PCM1: variants seen among roughly 807,000 people sequenced by gnomAD.
The protein encoded by PCM1 is pericentriolar material 1.
In PCM1, 157 loss-of-function variants were observed where a neutral mutation model predicts 241.9. That is an observed-to-expected ratio of 0.65 (90% CI 0.57 to 0.74). The LOEUF is 0.74. Among genes scored for constraint, PCM1 ranks in the 30% least tolerant of loss-of-function variants. The pLI, the probability that PCM1 is intolerant of heterozygous loss-of-function variation, is 0.00. For missense variants in PCM1, 3,478 were observed against 2,360.1 expected, an observed-to-expected ratio of 1.47 and a Z score of -9.81; for synonymous variants, 1,085 against 784.9, an observed-to-expected ratio of 1.38 and a Z score of -6.39.
intron 2 of PCM1, among the ~76,000 whole-genome samples, chr8:17,931,570 T>C (rs2059040656): frequency 1.3e-5 from 2 of 152,320 alleles, no homozygotes; most frequent in South Asian, 2.1e-4. Context: ...ACATTTATCT[T>C]ACTTTACTAT....
chr8:17,923,633 C>T (rs937570624), intron 1 of PCM1, among the ~76,000 whole-genome samples: 1 of 151,984 alleles, frequency 6.6e-6, no homozygotes, highest in African/African-American at 2.4e-5. Flanking sequence ...GTGGAACTCT[C>T]GGTGTCCAGA....
Position 17,966,980 on chromosome 8 carries a change from G to A in PCM1, c.3222G>A (p.Arg1074=), listed in dbSNP as rs1240656076. Residue 1074 remains arginine, a splice_region_variant and synonymous_variant, in exon 21 of 39, where the codon AGG becomes AGA. Transcript: ENST00000325083. ...AGATTACTGACTTAAATCTTTGTAGGTTGAAACAAATGCTAAATGAACTTA... is the reference window on the plus strand; with the variant it reads ...AGATTACTGACTTAAATCTTTGTAGATTGAAACAAATGCTAAATGAACTTA... ...QLTWQQNNVQ[R]LKQMLNELMR... is the part of the protein sequence containing the mutation. 3.1e-6 allele frequency: 5 copies of A among 1,598,524 alleles called. No homozygotes were observed. Among genetic ancestry groups the A allele is most frequent in the Non-Finnish European group, 4.3e-6 (5 of 1,172,340 alleles).
intron 36 of PCM1, among the ~76,000 whole-genome samples, chr8:18,016,476 TAAA>T (rs2093218084): frequency 6.6e-6 from 1 of 151,654 alleles, no homozygotes; most frequent in Admixed American, 6.6e-5. Context: ...TTAATCTAGA[TAAA>T]ATTGTTTATG....
chr8:17,929,632 C>T (rs1485083252), intron 2 of PCM1, among the ~76,000 whole-genome samples: 2 of 152,106 alleles, frequency 1.3e-5, no homozygotes, highest in Admixed American at 1.3e-4. Flanking sequence ...TATCCTTTAT[C>T]TTTTAACTCT....
chr8:17,952,685 C>T (rs2066531347), intron 8 of PCM1, among the ~76,000 whole-genome samples: 1 of 152,088 alleles, frequency 6.6e-6, no homozygotes, highest in Non-Finnish European at 1.5e-5. Context: ...TGTGCAGATA[C>T]TACACCATTT....
chr8:18,022,027 A>G (rs1406831328), intron 36 of PCM1, among the ~76,000 whole-genome samples: 1 of 152,198 alleles, frequency 6.6e-6, no homozygotes, highest in African/African-American at 2.4e-5. Context: ...TCTTTTGGAA[A>G]CAACAGCAGA....
intron 7 of PCM1, among the ~76,000 whole-genome samples, chr8:17,949,646 C>G (rs919325986): frequency 2.0e-5 from 3 of 152,040 alleles, no homozygotes; most frequent in Non-Finnish European, 4.4e-5. Flanking sequence ...TACAGGCGTG[C>G]TGTACCACGC....
At chr8:17,938,270 T>A (rs2061010369) in intron 4 of PCM1, among the ~76,000 whole-genome samples, 1 of 152,176 alleles carries the variant, frequency 6.6e-6, no homozygotes, top group Non-Finnish European at 1.5e-5. Flanking sequence ...AAACTTTGTT[T>A]CGTGCACAAA....
At position 17,939,692 on chromosome 8, in the gene PCM1, T is replaced by C. The variant is rs1215823518; in HGVS notation, c.614T>C (p.Ile205Thr). Residue 205 changes from isoleucine (I) to threonine (T), a missense_variant and splice_region_variant, in exon 6 of 39, where the codon ATT becomes ACT. Physicochemically the swap from Ile to Thr is moderately conservative, Grantham distance 89. Coordinates refer to ENST00000325083, the MANE Select transcript of PCM1 (RefSeq NM_006197.4). ...RGEPAMESSQIVSRLVQIRDY... is the reference protein window; with the variant it reads ...RGEPAMESSQTVSRLVQIRDY... ...TTAAAAAAAATATTTCCCCTGCAGA[T>C]TGTAAGCAGGCTTGTTCAAATTCGC... The C allele has an allele frequency of 6.6e-7, 1 of 1,506,140 alleles. No individual in the cohort carries two copies. The highest frequency in any genetic ancestry group is 2.3e-5 in the Admixed American group (1 of 43,610). The allele number at this position is 1,506,140 out of a possible 1,614,324, so 93.3% of individuals were successfully genotyped here.
chr8:18,006,894 C>G (rs1214896226), intron 30 of PCM1, among the ~76,000 whole-genome samples: 1 of 152,090 alleles, frequency 6.6e-6, no homozygotes, highest in African/African-American at 2.4e-5. Context: ...TTTTGTTTAT[C>G]ACAGCAAGTA....
chr8:18,026,453 G>C (rs1014872245), intron 38 of PCM1, among the ~76,000 whole-genome samples: 16 of 150,970 alleles, frequency 1.1e-4, no homozygotes, highest in Admixed American at 9.2e-4. Flanking sequence ...GTAGAGACGG[G>C]GTTTCACCAA....
Position 18,009,665 on chromosome 8 carries a change from A to G in PCM1, c.5081A>G (p.Asp1694Gly), listed in dbSNP as rs1275271092. 4 of 1,581,602 alleles carry G rather than the reference A, an allele frequency of 2.5e-6. No homozygotes were observed. Among genetic ancestry groups the G allele is most frequent in the Admixed American group, 1.8e-5 (1 of 54,692 alleles). Residue 1694 changes from aspartate (D) to glycine (G), a missense_variant, in exon 31 of 39, where the codon GAT becomes GGT. Transcript: ENST00000325083. The stretch of plus-strand genomic sequence containing the variant: ...TTCTTTAAGCTTATGCAAGATTTGG[A>G]TAATAATAGTATAACTGTTAAACAG... ...LAFFKLMQDL[D>G]NNSITVKQRC... is the part of the protein sequence containing the mutation.
chr8:17,925,353 T>C (rs1343853366), intron 2 of PCM1: 2 of 152,224 alleles, frequency 1.3e-5, no homozygotes, highest in African/African-American at 4.8e-5. Flanking sequence ...GTCAGTGTTG[T>C]AGAATGTAAG....
In PCM1 at chr8:17,938,720, G is replaced by T; in HGVS notation, c.343-20G>T. On this transcript the variant is annotated intron_variant, in intron 4 of 38. Transcript: ENST00000325083. ...CATAAGGTTAATGTTTGTGTGATTT[G>T]ATTTCTTTTTCATATATAGAGAAGC... 6.3e-7 allele frequency: 1 copy of T among 1,590,068 alleles called. No homozygotes were observed. The highest frequency in any genetic ancestry group is 1.1e-5 in the South Asian group (1 of 89,928).
At chr8:17,942,285 G>C (rs1362814169) in intron 6 of PCM1, among the ~76,000 whole-genome samples, 1 of 152,024 alleles carries the variant, frequency 6.6e-6, no homozygotes, top group Non-Finnish European at 1.5e-5. Flanking sequence ...TGGCCAACAT[G>C]GCGAAACCCT....
At chr8:18,004,005 T>C (rs773304749) in intron 29 of PCM1, among the ~76,000 whole-genome samples, 1 of 152,190 alleles carries the variant, frequency 6.6e-6, no homozygotes, top group South Asian at 2.1e-4. Context: ...ATAGGTATGC[T>C]TGTAGTAATA....
chr8:17,969,762 A>G lies in PCM1; in HGVS notation c.3584+14A>G. 6.3e-7 allele frequency: 1 copy of G among 1,577,658 alleles called. No homozygotes were observed. The highest frequency in any genetic ancestry group is 8.7e-7 in the Non-Finnish European group (1 of 1,151,152). The stretch of plus-strand genomic sequence containing the variant: ...AGAGAAACCAAGGTACTGATTGTAA[A>G]CAGTCTTTTATTGCTTAAACATTCA... On this transcript the variant is annotated intron_variant, in intron 22 of 38. Coordinates refer to ENST00000325083, the MANE Select transcript of PCM1 (RefSeq NM_006197.4).
At chr8:18,020,121 G>A (rs1276361173) in intron 36 of PCM1, among the ~76,000 whole-genome samples, 5 of 151,996 alleles carry the variant, frequency 3.3e-5, no homozygotes, top group Non-Finnish European at 7.4e-5. Flanking sequence ...ACCCCTTCAG[G>A]TTCAGGATAC....
At chr8:17,976,261 C>T (rs898552269) in intron 23 of PCM1, among the ~76,000 whole-genome samples, 1 of 152,208 alleles carries the variant, frequency 6.6e-6, no homozygotes, top group Non-Finnish European at 1.5e-5. Flanking sequence ...CTCTGTGCCC[C>T]TTGTCTCACA....
Sources: allele counts gnomAD v4.1 joint callset (sites outside exome capture counted in the v4.1 genomes callset), GRCh38; gene constraint gnomAD v4.1.1; transcripts MANE v1.5; gene names NCBI Gene and HGNC (gene_info 2026-07-23, HGNC 2026-07-21).